The following KANSL1 variants were observed in gnomAD, a reference collection of about 807,000 sequenced individuals.
KANSL1 encodes the protein KAT8 regulatory NSL complex subunit 1, also known as MLL1/MLL complex subunit KANSL1.
In KANSL1, 22 loss-of-function variants were observed where a neutral mutation model predicts 103.6. That is an observed-to-expected ratio of 0.21 (90% CI 0.15 to 0.30). The LOEUF is 0.30. KANSL1 is among the 10% of genes least tolerant of loss of function. KANSL1 has a pLI of 1.00. For missense variants in KANSL1, 1,337 were observed against 1,399.8 expected, an observed-to-expected ratio of 0.96 and a Z score of 0.72; for synonymous variants, 600 against 527.6, an observed-to-expected ratio of 1.14 and a Z score of -1.88.
At position 46,038,207 on chromosome 17, in the gene KANSL1, G is replaced by A. The variant is rs907672235; in HGVS notation, c.2541+331C>T. On this transcript the variant is annotated intron_variant, in intron 10 of 14. Coordinates refer to ENST00000432791, the MANE Select transcript of KANSL1 (RefSeq NM_015443.4). ...CTTGGGCCAACAGGATTAGGGCCAC[G>A]GAACTGTTGAGTCCTGTGTGAAACT... 7.4e-5 allele frequency: 18 copies of A among 244,702 alleles called. 1 individual carries two copies. Among genetic ancestry groups the A allele is most frequent in the Non-Finnish European group, 1.1e-4 (14 of 127,722 alleles). 15.2% of individuals were successfully genotyped at this position (244,702 alleles called of 1,614,324 possible).
At chr17:46,200,273 T>C (rs922871128) in intron 1 of KANSL1, among the ~76,000 whole-genome samples, 6 of 152,152 alleles carry the variant, frequency 3.9e-5, no homozygotes, top group African/African-American at 1.2e-4. Flanking sequence ...TTGGCCAAAA[T>C]GTACCAAGAA....
At chr17:46,073,094 G>A (rs2078635399) in intron 4 of KANSL1, among the ~76,000 whole-genome samples, 1 of 152,160 alleles carries the variant, frequency 6.6e-6, no homozygotes, top group Non-Finnish European at 1.5e-5. Context: ...TCAGGCCAAT[G>A]AACTACTCAC....
intron 6 of KANSL1, among the ~76,000 whole-genome samples, chr17:46,052,740 A>C (rs536828591): frequency 6.6e-6 from 1 of 150,598 alleles, no homozygotes; most frequent in Non-Finnish European, 1.5e-5. Flanking sequence ...CAGGAGTCTG[A>C]GACTAGCCTG....
intron 9 of KANSL1, 116 bp from the exon 10 acceptor site, chr17:46,038,802 A>G: frequency 7.3e-7 from 1 of 1,372,600 alleles, no homozygotes; most frequent in East Asian, 2.3e-5. Context: ...TTCTATGCCT[A>G]GAGGATAAAA....
intron 6 of KANSL1, among the ~76,000 whole-genome samples, chr17:46,052,964 CAAAAAAAAAAAAAAAAAAAAAAAAAAAAA>C (rs34473927): frequency 1.5e-4 from 5 of 33,002 alleles, no homozygotes; most frequent in East Asian, 8.1e-4. Context: ...ATCCTGTCTC[CAAAAAAAAAAAAAAAAAAAAAAAAAAAAA>C]AAAAAAAAAA....
At chr17:46,066,761 A>G in intron 5 of KANSL1, 29 bp from the exon 6 acceptor site, 1 of 1,522,388 alleles carries the variant, frequency 6.6e-7, no homozygotes, top group Non-Finnish European at 9.0e-7. Flanking sequence ...GAGTATTCTC[A>G]GAACACACAA....
intron 1 of KANSL1, among the ~76,000 whole-genome samples, chr17:46,219,026 C>T (rs1428590221): frequency 1.3e-5 from 2 of 151,856 alleles, no homozygotes; most frequent in East Asian, 1.9e-4. Context: ...TTTGGGAGGC[C>T]GAGGCGGGTG....
intron 3 of KANSL1, among the ~76,000 whole-genome samples, chr17:46,086,418 T>C (rs1284898095): frequency 6.6e-6 from 1 of 152,220 alleles, no homozygotes; most frequent in Non-Finnish European, 1.5e-5. Flanking sequence ...AACTAATATT[T>C]CATTCCTCTT....
chr17:46,134,889 A>C lies in KANSL1; in HGVS notation c.1289+35966T>G, dbSNP rs568719750. On this transcript the variant is annotated intron_variant, in intron 2 of 14. Transcript: ENST00000432791. ...GATGGGGCGGAAGAATAGAGATAGG[A>C]AAGAGGAGGATGTTGAGAACTAAAC... is the stretch of plus-strand genomic sequence containing the variant. 2.2e-4 allele frequency among the ~76,000 whole-genome samples: 34 copies of C among 152,212 alleles called. No individual in the cohort carries two copies. In the East Asian group the frequency reaches 4.6e-3, roughly 21 times the overall value.
At chr17:46,107,825 T>A (rs2042634341) in intron 2 of KANSL1, among the ~76,000 whole-genome samples, 1 of 152,212 alleles carries the variant, frequency 6.6e-6, no homozygotes, top group African/African-American at 2.4e-5. Flanking sequence ...CTGCTTCAAC[T>A]AGATGGATCT....
chr17:46,157,045 G>A (rs1309918668), intron 2 of KANSL1: 1 of 152,240 alleles, frequency 6.6e-6, no homozygotes, highest in Non-Finnish European at 1.5e-5. Context: ...TAATCTTGGT[G>A]ATAAATGATC....
chr17:46,165,097 ACTCT>A, intron 2 of KANSL1, among the ~76,000 whole-genome samples: 1 of 152,278 alleles, frequency 6.6e-6, no homozygotes, highest in Middle Eastern at 3.4e-3. Flanking sequence ...ACAGAACAAG[ACTCT>A]CTCTCAAATA....
intron 4 of KANSL1, among the ~76,000 whole-genome samples, chr17:46,080,299 C>G (rs1282750400): frequency 9.2e-6 from 1 of 108,518 alleles, no homozygotes; most frequent in Non-Finnish European, 1.7e-5. Context: ...GGTGACAGAG[C>G]AAGAGCCTGT....
rs946800230 is a variant in KANSL1 at position 46,215,391 on chromosome 17, G to C, written c.-90+8280C>G. Among the ~76,000 whole-genome samples the C allele has an allele frequency of 2.0e-5, 3 of 152,228 alleles. No homozygotes were observed. The South Asian group carries it at 6.2e-4, about 31-fold the overall frequency. ...TTCAACTCTACCTTCAAAGCTAGTT[G>C]AGCCATGGTGGAAGAGGGAGGGATA... On this transcript the variant is annotated intron_variant, in intron 1 of 14. Coordinates refer to the KANSL1 transcript ENST00000572904.
chr17:46,084,996 G>A (rs2079112554), intron 3 of KANSL1, among the ~76,000 whole-genome samples: 1 of 152,072 alleles, frequency 6.6e-6, no homozygotes. Context: ...CTGTCTTCCT[G>A]CTTCCTGTAC....
At chr17:46,206,876 C>T (rs1418352761) in intron 1 of KANSL1, among the ~76,000 whole-genome samples, 1 of 151,994 alleles carries the variant, frequency 6.6e-6, no homozygotes, top group Non-Finnish European at 1.5e-5. Context: ...AAATTGAAAA[C>T]ACAACCCATA....
intron 4 of KANSL1, among the ~76,000 whole-genome samples, chr17:46,070,251 A>T (rs1012012306): frequency 2.0e-5 from 3 of 152,218 alleles, no homozygotes; most frequent in Non-Finnish European, 4.4e-5. Context: ...ACACCAAATC[A>T]AAATATTAAA....
chr17:46,113,772 C>A (rs928485077), intron 2 of KANSL1, among the ~76,000 whole-genome samples: 35 of 152,120 alleles, frequency 2.3e-4, no homozygotes, highest in Non-Finnish European at 2.4e-4. Context: ...TAGGTAGACA[C>A]CTGAAAGGCT....
chr17:46,176,828 GA>G (rs1306411684), intron 1 of KANSL1, among the ~76,000 whole-genome samples: 1 of 151,822 alleles, frequency 6.6e-6, no homozygotes, highest in African/African-American at 2.4e-5. Flanking sequence ...ATCCCCATAG[GA>G]TACACAGCAT....
Sources: gnomAD v4.1 joint callset for allele counts (sites outside exome capture counted in the v4.1 genomes callset) on GRCh38, gnomAD v4.1.1 for gene constraint, MANE v1.5 for transcripts, NCBI Gene and HGNC (gene_info 2026-07-23, HGNC 2026-07-21) for gene names.